GPC5: variants seen among roughly 807,000 people sequenced by gnomAD.
The protein encoded by GPC5 is glypican 5.
In GPC5, 47 loss-of-function variants were observed where a neutral mutation model predicts 53.9. The ratio of observed to expected loss-of-function variants is 0.87; its 90% CI spans 0.69 to 1.11. The LOEUF (loss-of-function observed/expected upper bound fraction) is 1.11, where lower values mean the gene tolerates loss of function less well. Among genes scored for constraint, GPC5 ranks in the 50% most tolerant of loss-of-function variants. The pLI is 0.00. For missense variants in GPC5, 748 were observed against 713.1 expected, an observed-to-expected ratio of 1.05 and a Z score of -0.56; for synonymous variants, 286 against 263.3, an observed-to-expected ratio of 1.09 and a Z score of -0.84.
chr13:92,418,970 A>T (rs1462456749), intron 7 of GPC5, among the ~76,000 whole-genome samples: 1 of 152,202 alleles, frequency 6.6e-6, no homozygotes, highest in African/African-American at 2.4e-5. Context: ...CCTGGAGAGT[A>T]AACATTGCTT....
At position 92,484,255 on chromosome 13, in the gene GPC5, G is replaced by T. The variant is rs137949024; in HGVS notation, c.1561+339266G>T. ...CTTCAAGGTCAGTAACACTCATGGA[G>T]CTGTCATCATGTATGATAACAACGA... On this transcript the variant is annotated intron_variant, in intron 7 of 7. Transcript: ENST00000377067. 2.1e-3 allele frequency among the ~76,000 whole-genome samples: 315 copies of T among 152,300 alleles called. 3 individuals are homozygous for T. The highest frequency in any genetic ancestry group is 7.1e-3 in the African/African-American group (296 of 41,564).
chr13:92,760,943 C>A (rs1219978926), intron 7 of GPC5, among the ~76,000 whole-genome samples: 2 of 152,116 alleles, frequency 1.3e-5, no homozygotes, highest in Non-Finnish European at 2.9e-5. Flanking sequence ...TTAATTTCCA[C>A]ATATTTGTGA....
chr13:92,719,988 C>T (rs1244972423), intron 7 of GPC5: 1 of 152,104 alleles, frequency 6.6e-6, no homozygotes, highest in African/African-American at 2.4e-5. Flanking sequence ...TTACCCATAC[C>T]AAAGAGTGCT....
intron 2 of GPC5, among the ~76,000 whole-genome samples, chr13:91,525,482 G>T (rs1195439040): frequency 6.6e-6 from 1 of 151,984 alleles, no homozygotes; most frequent in East Asian, 1.9e-4. Flanking sequence ...AACCAGCTAG[G>T]TTTCTGCCTG....
chr13:91,431,850 C>T (rs557129088), intron 1 of GPC5, among the ~76,000 whole-genome samples: 9 of 152,316 alleles, frequency 5.9e-5, no homozygotes, highest in East Asian at 1.9e-4. Context: ...CTACATTTAT[C>T]GTTGAAGGTT....
At chr13:92,492,818 G>A (rs1225282563) in intron 7 of GPC5, among the ~76,000 whole-genome samples, 2 of 152,150 alleles carry the variant, frequency 1.3e-5, no homozygotes, top group African/African-American at 2.4e-5. Flanking sequence ...GCAATGCCTA[G>A]TAATCTCCAA....
chr13:91,577,176 G>T (rs1198888886), intron 2 of GPC5, among the ~76,000 whole-genome samples: 1 of 152,212 alleles, frequency 6.6e-6, no homozygotes, highest in African/African-American at 2.4e-5. Context: ...AGGGTTGGAT[G>T]ATTGTGGACT....
intron 2 of GPC5, among the ~76,000 whole-genome samples, chr13:91,591,203 A>G (rs767966472): frequency 1.3e-5 from 2 of 152,142 alleles, no homozygotes; most frequent in Non-Finnish European, 2.9e-5. Flanking sequence ...TTCCTCCTTG[A>G]GAACAAATCT....
At chr13:92,677,909 G>GA (rs1887000974) in intron 7 of GPC5, among the ~76,000 whole-genome samples, 1 of 151,964 alleles carries the variant, frequency 6.6e-6, no homozygotes, top group South Asian at 2.1e-4. Context: ...TGTCATATTT[G>GA]AAAAAAATAA....
At chr13:91,547,617 G>A (rs1156762832) in intron 2 of GPC5, among the ~76,000 whole-genome samples, 4 of 152,056 alleles carry the variant, frequency 2.6e-5, no homozygotes, top group Non-Finnish European at 5.9e-5. Context: ...GATAGAACAA[G>A]AGGAAATACT....
intron 3 of GPC5, among the ~76,000 whole-genome samples, chr13:91,720,011 T>C (rs2036430336): frequency 6.6e-6 from 1 of 152,212 alleles, no homozygotes; most frequent in Non-Finnish European, 1.5e-5. Flanking sequence ...TGGAAAATGT[T>C]GTCTCACTTG....
At chr13:91,468,791 T>G (rs1413275565) in intron 2 of GPC5, among the ~76,000 whole-genome samples, 1 of 152,204 alleles carries the variant, frequency 6.6e-6, no homozygotes, top group African/African-American at 2.4e-5. Flanking sequence ...TTTATAATTT[T>G]GTTATATTTT....
At chr13:92,613,623 T>TTATTATATTTTATAAATATTAAATA (rs1884573098) in intron 7 of GPC5, among the ~76,000 whole-genome samples, 2 of 136,028 alleles carry the variant, frequency 1.5e-5, no homozygotes, top group Non-Finnish European at 3.1e-5. Flanking sequence ...ATTATTTTAT[T>TTATTATATTTTATAAATATTAAATA]TATTATATTT....
chr13:92,187,616 G>A (rs989898948), intron 7 of GPC5, among the ~76,000 whole-genome samples: 1 of 152,188 alleles, frequency 6.6e-6, no homozygotes, highest in African/African-American at 2.4e-5. Flanking sequence ...TTCTGAGGTG[G>A]GTGCTGTGAA....
intron 7 of GPC5, chr13:92,509,567 G>A (rs899053414): frequency 6.6e-6 from 1 of 152,142 alleles, no homozygotes; most frequent in Admixed American, 6.6e-5. Context: ...GTTGGGAATG[G>A]AAAGCAGATA....
intron 5 of GPC5, among the ~76,000 whole-genome samples, chr13:91,828,631 C>G (rs1301922804): frequency 1.3e-5 from 2 of 151,926 alleles, no homozygotes; most frequent in Admixed American, 1.3e-4. Flanking sequence ...AAAGTAAATG[C>G]TTTCTCAAAG....
intron 7 of GPC5, among the ~76,000 whole-genome samples, chr13:92,399,926 G>A (rs1455793219): frequency 6.6e-6 from 1 of 152,144 alleles, no homozygotes; most frequent in African/African-American, 2.4e-5. Context: ...TTCCTAGTGG[G>A]TAGTAGGAAA....
intron 7 of GPC5, among the ~76,000 whole-genome samples, chr13:92,230,572 C>T (rs927114879): frequency 3.3e-5 from 5 of 152,080 alleles, no homozygotes; most frequent in African/African-American, 4.8e-5. Context: ...TATTTTCTCT[C>T]AAAATTTCAA....
At chr13:91,548,222 T>G (rs563935875) in intron 2 of GPC5, among the ~76,000 whole-genome samples, 69 of 152,172 alleles carry the variant, frequency 4.5e-4, no homozygotes, top group Non-Finnish European at 6.0e-4. Context: ...TCCAAAAGAA[T>G]CAACAAACAC....
Sources: gnomAD v4.1 joint callset for allele counts (sites outside exome capture counted in the v4.1 genomes callset) on GRCh38, gnomAD v4.1.1 for gene constraint, MANE v1.5 for transcripts, NCBI Gene and HGNC (gene_info 2026-07-23, HGNC 2026-07-21) for gene names.